FNBP1L: variants seen among roughly 807,000 people sequenced by gnomAD.
FNBP1L encodes the protein formin binding protein 1 like, also known as formin-binding protein 1-like.
FNBP1L carries 36 observed loss-of-function variants against 91.2 expected under a neutral mutation model. That is an observed-to-expected ratio of 0.39 (90% CI 0.30 to 0.52). The LOEUF (loss-of-function observed/expected upper bound fraction) is 0.52. Ranked by LOEUF, FNBP1L falls within the 20% of genes least tolerant of loss-of-function variation. The pLI is 0.66. For missense variants in FNBP1L, 571 were observed against 732.1 expected (o/e 0.78, Z 2.54); for synonymous variants, 242 against 237.0 (o/e 1.02, Z -0.19).
chr1:93,536,214 C>T, intron 9 of FNBP1L, 118 bp from the exon 10 acceptor site: 2 of 643,542 alleles, frequency 3.1e-6, no homozygotes, highest in East Asian at 3.4e-5. Flanking sequence ...AATATTTTTA[C>T]AGAAAACTTT....
At chr1:93,461,140 T>G (rs76064946) in intron 1 of FNBP1L, among the ~76,000 whole-genome samples, 4,431 of 152,300 alleles carry the variant, frequency 0.029, 85 homozygotes, top group Non-Finnish European at 0.043. Context: ...AGCTCTGATA[T>G]GCTCTGCCTG....
chr1:93,504,843 GAT>G (rs1325526008), intron 2 of FNBP1L, among the ~76,000 whole-genome samples: 1 of 152,086 alleles, frequency 6.6e-6, no homozygotes, highest in Admixed American at 6.5e-5. Flanking sequence ...CCCCTTGCCA[GAT>G]ATATGATTTG....
chr1:93,483,030 A>G (rs1441136729), intron 1 of FNBP1L, among the ~76,000 whole-genome samples: 4 of 148,434 alleles, frequency 2.7e-5, no homozygotes, highest in Non-Finnish European at 6.0e-5. Context: ...AAAAACAAAA[A>G]AAACAAAAAA....
intron 1 of FNBP1L, among the ~76,000 whole-genome samples, chr1:93,451,629 C>A (rs1668497203): frequency 6.6e-6 from 1 of 151,838 alleles, no homozygotes; most frequent in Non-Finnish European, 1.5e-5. Flanking sequence ...ATTTAAAAGC[C>A]ATTGTTATTT....
chr1:93,512,654 A>G (rs1339791074), intron 2 of FNBP1L, among the ~76,000 whole-genome samples: 1 of 149,290 alleles, frequency 6.7e-6, no homozygotes, highest in East Asian at 2.0e-4. Context: ...AAACTGAACA[A>G]CCTGCTCCTG....
intron 12 of FNBP1L, among the ~76,000 whole-genome samples, chr1:93,545,148 T>C (rs1672181760): frequency 6.6e-6 from 1 of 152,176 alleles, no homozygotes; most frequent in South Asian, 2.1e-4. Flanking sequence ...ATTAGAATTT[T>C]CTCTGTAAGG....
Position 93,498,651 on chromosome 1 carries a change from G to A in FNBP1L, c.25-817G>A, listed in dbSNP as rs368145495. Among the ~76,000 whole-genome samples the A allele has an allele frequency of 2.4e-4, 36 of 152,322 alleles. 1 individual carries two copies. The South Asian group carries it at 7.5e-3, about 32-fold the overall frequency. ...AGACTTGATATAAGAGGGGGAGACA[G>A]CACCAAGTTATTAGTCAATTTGGAG... On this transcript the variant is annotated intron_variant, in intron 1 of 16. Transcript: ENST00000271234.
chr1:93,480,671 C>T (rs61780648), intron 1 of FNBP1L, among the ~76,000 whole-genome samples: 5,203 of 151,976 alleles, frequency 0.034, 142 homozygotes, highest in Non-Finnish European at 0.051. Flanking sequence ...CTGCAAGCTC[C>T]ACCTCCTGGG....
intron 8 of FNBP1L, 74 bp downstream of exon 8, chr1:93,533,142 G>T: frequency 8.1e-6 from 11 of 1,350,690 alleles, no homozygotes; most frequent in Non-Finnish European, 1.1e-5. Flanking sequence ...GAAATGAGTT[G>T]AGAAAGGGAT....
At chr1:93,485,479 G>A (rs1669866908) in intron 1 of FNBP1L, among the ~76,000 whole-genome samples, 1 of 152,078 alleles carries the variant, frequency 6.6e-6, no homozygotes, top group Non-Finnish European at 1.5e-5. Context: ...GTCATACAAA[G>A]CTGACCACTA....
intron 1 of FNBP1L, among the ~76,000 whole-genome samples, chr1:93,466,460 T>A (rs1199167644): frequency 1.2e-4 from 18 of 152,208 alleles, no homozygotes; most frequent in Admixed American, 1.2e-3. Flanking sequence ...GAATAGGGAA[T>A]CCTTTCCCCA....
At chr1:93,529,320 C>T (rs776688580) in intron 5 of FNBP1L, among the ~76,000 whole-genome samples, 3 of 152,100 alleles carry the variant, frequency 2.0e-5, no homozygotes, top group East Asian at 3.9e-4. Flanking sequence ...ATTTAAGGAA[C>T]GTGGATTGGT....
intron 1 of FNBP1L, among the ~76,000 whole-genome samples, chr1:93,492,978 C>G (rs370449226): frequency 4.6e-5 from 7 of 152,078 alleles, no homozygotes; most frequent in South Asian, 2.1e-4. Context: ...GGTGACCTTC[C>G]CCCTCTAAGA....
At chr1:93,515,022 G>T (rs1290149108) in intron 2 of FNBP1L, among the ~76,000 whole-genome samples, 1 of 152,144 alleles carries the variant, frequency 6.6e-6, no homozygotes, top group Non-Finnish European at 1.5e-5. Context: ...CTACTCATCT[G>T]ACAGAGGGCT....
At chr1:93,465,548 G>T (rs1235431776) in intron 1 of FNBP1L, among the ~76,000 whole-genome samples, 2 of 152,114 alleles carry the variant, frequency 1.3e-5, no homozygotes, top group East Asian at 3.9e-4. Flanking sequence ...CTTTTTGATG[G>T]CTGCATAGTA....
chr1:93,549,318 C>T lies in FNBP1L; in HGVS notation c.1543C>T (p.Arg515Cys), dbSNP rs371958035. 45 of 1,612,260 alleles carry T rather than the reference C, an allele frequency of 2.8e-5. No individual in the cohort carries two copies. Among genetic ancestry groups the T allele is most frequent in the South Asian group, 2.2e-5 (2 of 90,788 alleles). Reference sequence around the variant, plus strand: ...CACTGATGATGCAAACCAGGAAGTCCGTGGGCCACCCCAGCAGCATGGTCA... The same window carrying T: ...CACTGATGATGCAAACCAGGAAGTCTGTGGGCCACCCCAGCAGCATGGTCA... Reference protein sequence around the residue: ...SYTDDANQEVRGPPQQHGHHN... With the variant: ...SYTDDANQEVCGPPQQHGHHN... Residue 515 changes from arginine to cysteine, a missense_variant, in exon 15 of 17, where the codon CGT becomes TGT. Transcript: ENST00000271234.
chr1:93,510,526 C>A (rs567046308), intron 2 of FNBP1L, among the ~76,000 whole-genome samples: 1 of 152,224 alleles, frequency 6.6e-6, no homozygotes, highest in East Asian at 1.9e-4. Context: ...AGCAGAAAAA[C>A]TGGAAACTCT....
chr1:93,490,377 A>G (rs1252774861), intron 1 of FNBP1L, among the ~76,000 whole-genome samples: 1 of 152,214 alleles, frequency 6.6e-6, no homozygotes, highest in African/African-American at 2.4e-5. Flanking sequence ...AATACAGTAA[A>G]ATAACTTTAA....
chr1:93,540,817 A>G (rs1222099517), intron 10 of FNBP1L, among the ~76,000 whole-genome samples: 4 of 151,412 alleles, frequency 2.6e-5, no homozygotes, highest in Non-Finnish European at 5.9e-5. Flanking sequence ...AACATAGAAA[A>G]TATCTGCCCA....
Sources: gnomAD v4.1 joint callset for allele counts (sites outside exome capture counted in the v4.1 genomes callset) on GRCh38, gnomAD v4.1.1 for gene constraint, MANE v1.5 for transcripts, NCBI Gene and HGNC (gene_info 2026-07-23, HGNC 2026-07-21) for gene names.